The following KMT2A variants were observed in gnomAD, a reference collection of about 807,000 sequenced individuals.
KMT2A encodes histone-lysine N-methyltransferase 2A.
Under a neutral mutation model 345.3 loss-of-function variants are expected in KMT2A, and 16 were observed. That is an observed-to-expected ratio of 0.05 (90% CI 0.03 to 0.07). The LOEUF is 0.07. KMT2A is among the 10% of genes least tolerant of loss of function. The probability of loss-of-function intolerance (pLI) is 1.00; values close to 1 mark genes in which losing one functional copy is unlikely to be tolerated. For synonymous variants in KMT2A, 1,599 were observed against 1,778.6 expected, an observed-to-expected ratio of 0.90 and a Z score of 2.54; for missense variants, 3,272 against 4,841.6, an observed-to-expected ratio of 0.68 and a Z score of 9.62.
At chr11:118,480,355 T>G in intron 6 of KMT2A, 117 bp downstream of exon 6, 1 of 696,980 alleles carries the variant, frequency 1.4e-6, no homozygotes, top group Non-Finnish European at 2.4e-6. Flanking sequence ...TCTCAGGGAG[T>G]AGATTGTTGA....
chr11:118,524,287 GT>G lies in KMT2A; in HGVS notation c.*2116del, dbSNP rs1951033864. 5.4e-6 allele frequency: 1 copy of G among 186,814 alleles called. No individual in the cohort carries two copies. The allele number at this position is 186,814 out of a possible 1,614,324, so 11.6% of individuals were successfully genotyped here. A position where few individuals can be genotyped will look rare whatever the true frequency, so the allele number is the denominator to read the frequency against. On this transcript the variant is annotated 3_prime_UTR_variant, in exon 36 of 36. Coordinates refer to ENST00000534358, the MANE Select transcript of KMT2A (RefSeq NM_001197104.2). The stretch of plus-strand genomic sequence containing the variant: ...CAGAGTAGTGTAGTCCAAGTAGAGG[GT>G]GGGGCACCCTTTTCTCGCCGCAAGA...
chr11:118,474,321 CT>C lies in KMT2A; in HGVS notation c.3156+10del, dbSNP rs2134273903. 6.2e-7 allele frequency: 1 copy of C among 1,610,020 alleles called. No individual in the cohort carries two copies. The highest frequency in any genetic ancestry group is 8.5e-7 in the Non-Finnish European group (1 of 1,178,352). ...CCGACCAGCCCAAAGCACAGGTACT[CT>C]TTTCCACCTTGCCTATTAAAACTAA... On this transcript the variant is annotated splice_region_variant and intron_variant, in intron 3 of 35. Transcript: ENST00000534358.
intron 31 of KMT2A, among the ~76,000 whole-genome samples, chr11:118,514,481 C>A (rs1950763664): frequency 6.6e-6 from 1 of 151,724 alleles, no homozygotes; most frequent in Non-Finnish European, 1.5e-5. Context: ...TACTCTGTCA[C>A]CCAGGCTGGA....
chr11:118,491,367 T>C lies in KMT2A; in HGVS notation c.4819+49T>C. 1 of 1,578,676 alleles carries C rather than the reference T, an allele frequency of 6.3e-7. No homozygotes were observed. Among genetic ancestry groups the C allele is most frequent in the Admixed American group, 1.8e-5 (1 of 55,776 alleles). ...TTCTTCTTTCTAGGTACTACTACAT[T>C]TATTAGCCTCTAGAGCACTTTAAAC... On this transcript the variant is annotated intron_variant, in intron 14 of 35. Coordinates refer to ENST00000534358, the MANE Select transcript of KMT2A (RefSeq NM_001197104.2). This position sits in a 1 kb window ranked among gnomAD's most constrained non-coding sequence, Gnocchi z 4.2.
chr11:118,494,497 G>A lies in KMT2A; in HGVS notation c.5289+99G>A, dbSNP rs9332818. ...TCTCTTCTACTTTTTGCTTTGTGGT[G>A]TGTATAAAACATCTTTGGTTTAATT... is the stretch of plus-strand genomic sequence containing the variant. On this transcript the variant is annotated intron_variant, in intron 17 of 35. Coordinates refer to ENST00000534358, the MANE Select transcript of KMT2A (RefSeq NM_001197104.2). This position sits in a 1 kb window ranked among gnomAD's most constrained non-coding sequence, Gnocchi z 5.8. The A allele has an allele frequency of 5.4e-5, 46 of 856,070 alleles. No individual in the cohort carries two copies. The South Asian group carries it at 6.4e-4, about 12-fold the overall frequency. 53.0% of individuals were successfully genotyped at this position (856,070 alleles called of 1,614,324 possible). A position where few individuals can be genotyped will look rare whatever the true frequency, so the allele number is the denominator to read the frequency against.
At chr11:118,483,770 AT>A (rs1374241035) in intron 8 of KMT2A, among the ~76,000 whole-genome samples, 2 of 151,966 alleles carry the variant, frequency 1.3e-5, no homozygotes, top group African/African-American at 4.8e-5. Flanking sequence ...GGTGGCTCAC[AT>A]CTATAATCCC....
At position 118,521,855 on chromosome 11, in the gene KMT2A, A is replaced by G; in HGVS notation, c.11644-42A>G. 2.5e-6 allele frequency: 4 copies of G among 1,591,484 alleles called. No individual in the cohort carries two copies. The highest frequency in any genetic ancestry group is 1.3e-5 in the African/African-American group (1 of 74,628). On this transcript the variant is annotated intron_variant, in intron 35 of 35. Coordinates refer to ENST00000534358, the MANE Select transcript of KMT2A (RefSeq NM_001197104.2). This position sits in a 1 kb window ranked among gnomAD's most constrained non-coding sequence, Gnocchi z 5.3. ...GGGACATGTTCTTAAAGCTGAGTTTATAAGAAATGACAAGTTCTTCTCCCT... is the reference window on the plus strand; with the variant it reads ...GGGACATGTTCTTAAAGCTGAGTTTGTAAGAAATGACAAGTTCTTCTCCCT...
chr11:118,478,378 C>G (rs191850647), intron 5 of KMT2A, among the ~76,000 whole-genome samples, 177 bp downstream of exon 5: 1 of 152,268 alleles, frequency 6.6e-6, no homozygotes, highest in African/African-American at 2.4e-5. Flanking sequence ...TACTCTGGGG[C>G]CATGCTGTCA....
chr11:118,501,690 G>A lies in KMT2A; in HGVS notation c.6338G>A (p.Ser2113Asn), dbSNP rs1456565798. Residue 2113 changes from serine (S) to asparagine (N), a missense_variant, in exon 26 of 36, where the codon AGT becomes AAT. Transcript: ENST00000534358. Reference protein sequence around the residue: ...TSFTESSSKESQNTAEIISPP... With the variant: ...TSFTESSSKENQNTAEIISPP... The stretch of plus-strand genomic sequence containing the variant: ...GCCACAGAAAGTTCATCAAAAGAGA[G>A]TCAAAACACAGCTGAAATTATAAGT... The A allele has an allele frequency of 1.9e-6, 3 of 1,612,912 alleles. No homozygotes were observed. The highest frequency in any genetic ancestry group is 2.5e-6 in the Non-Finnish European group (3 of 1,179,622).
Position 118,477,498 on chromosome 11 carries a change from C to CTTTTTTTTTTTTTTTTTT in KMT2A, c.3335-459_3335-442dup, listed in dbSNP as rs11430367. Among the ~76,000 whole-genome samples, 50 of 56,944 alleles carry CTTTTTTTTTTTTTTTTTT rather than the reference C, an allele frequency of 8.8e-4. 18 individuals carry two copies. The highest frequency in any genetic ancestry group is 2.3e-3 in the African/African-American group (30 of 12,984). 37.4% of individuals were successfully genotyped at this position (56,944 alleles called of 152,430 possible). A position where few individuals can be genotyped will look rare whatever the true frequency, so the allele number is the denominator to read the frequency against. ...CTTTCATCAAGATGCAAGTTATTGG[C>CTTTTTTTTTTTTTTTTTT]TTTTTTTTTTTTTTTTTTTTTTTTT... On this transcript the variant is annotated intron_variant, in intron 4 of 35. Coordinates refer to ENST00000534358, the MANE Select transcript of KMT2A (RefSeq NM_001197104.2).
intron 1 of KMT2A, among the ~76,000 whole-genome samples, chr11:118,460,529 A>G (rs868995814): frequency 1.3e-5 from 2 of 152,082 alleles, no homozygotes; most frequent in African/African-American, 2.4e-5. Flanking sequence ...AGCTCAAGCA[A>G]TCCACCTGCC....
chr11:118,484,795 A>G lies in KMT2A; in HGVS notation c.4219-67A>G. The stretch of plus-strand genomic sequence containing the variant: ...ATGTCACACTAATTTTATGCTTTTC[A>G]TCCTTATTTTCCATCCAAAGTTGTG... On this transcript the variant is annotated intron_variant, in intron 9 of 35. Transcript: ENST00000534358. The surrounding 1 kb of genome is among the most constrained non-coding windows in gnomAD (Gnocchi z 4.1). 9.7e-7 allele frequency: 1 copy of G among 1,034,326 alleles called. No individual in the cohort carries two copies. The highest frequency in any genetic ancestry group is 2.4e-5 in the East Asian group (1 of 42,260). The allele number at this position is 1,034,326 out of a possible 1,614,324, so 64.1% of individuals were successfully genotyped here.
Position 118,520,161 on chromosome 11 carries a change from T to C in KMT2A, c.11429+97T>C, listed in dbSNP as rs373803711. 9 of 798,910 alleles carry C rather than the reference T, an allele frequency of 1.1e-5. No individual in the cohort carries two copies. Among genetic ancestry groups the C allele is most frequent in the Non-Finnish European group, 1.8e-5 (9 of 491,312 alleles). 49.5% of individuals were successfully genotyped at this position (798,910 alleles called of 1,614,324 possible). A position where few individuals can be genotyped will look rare whatever the true frequency, so the allele number is the denominator to read the frequency against. ...GGAATTTGTTTGCATCAGAATTTCC[T>C]GGATAAGATTTAAAAGGACTGAAAA... is the stretch of plus-strand genomic sequence containing the variant. On this transcript the variant is annotated intron_variant, in intron 33 of 35. Transcript: ENST00000534358. The surrounding 1 kb of genome is among the most constrained non-coding windows in gnomAD (Gnocchi z 4.3).
Position 118,521,412 on chromosome 11 carries a change from A to G in KMT2A, c.11638A>G (p.Ser3880Gly). The G allele has an allele frequency of 6.2e-7, 1 of 1,613,972 alleles. No homozygotes were observed. The highest frequency in any genetic ancestry group is 8.5e-7 in the Non-Finnish European group (1 of 1,179,864). Residue 3880 changes from serine (S) to glycine (G), a missense_variant, in exon 35 of 36, where the codon AGC becomes GGC. Physicochemically the swap from Ser to Gly is moderately conservative, Grantham distance 56. Transcript: ENST00000534358. The surrounding 1 kb of genome is among the most constrained non-coding windows in gnomAD (Gnocchi z 5.3). ...TGACAAGCGGGAAAAGTATTACGAC[A>G]GCAAGGTAAGTCTCCCACTTGCACT... is the stretch of plus-strand genomic sequence containing the variant. ...QTDKREKYYD[S>G]KGIGCYMFRI...
rs1169959770 is a variant in KMT2A, at chr11:118,473,509, G to A, written c.2350G>A (p.Val784Ile). ...SSVSSSLSIS[V>I]SPLATSALNP... ...TGTCTCTTCCTCGTTAAGCATTTCT[G>A]TTAGTCCTCTTGCCACTAGTGCCTT... Residue 784 changes from valine to isoleucine, a missense_variant, in exon 3 of 36, where the codon GTT (valine) becomes ATT (isoleucine). By Grantham distance (29) the Val-to-Ile change is conservative (BLOSUM62 3). Transcript: ENST00000534358. This position sits in a 1 kb window ranked among gnomAD's most constrained non-coding sequence, Gnocchi z 5.2. 1.2e-6 allele frequency: 2 copies of A among 1,614,024 alleles called. No homozygotes were observed. Among genetic ancestry groups the A allele is most frequent in the African/African-American group, 2.7e-5 (2 of 74,918 alleles).
chr11:118,440,838 T>TG (rs1330836927), intron 1 of KMT2A, among the ~76,000 whole-genome samples: 1 of 151,162 alleles, frequency 6.6e-6, no homozygotes, highest in Non-Finnish European at 1.5e-5. Context: ...GAGTGGGAGT[T>TG]GCTCCTTCGT....
rs1950133414 is a variant in KMT2A at position 118,481,606 on chromosome 11, G to A, written c.3635-109G>A. 4.3e-6 allele frequency: 5 copies of A among 1,161,266 alleles called. No homozygotes were observed. In the South Asian group the frequency reaches 6.2e-5, roughly 14 times the overall value. 71.9% of individuals were successfully genotyped at this position (1,161,266 alleles called of 1,614,324 possible). On this transcript the variant is annotated intron_variant, in intron 6 of 35. Transcript: ENST00000534358. ...TGATATACTGATTTCCTTTATTTTG[G>A]TATATACCTAGCTGTGGGATTGCTG...
At position 118,521,829 on chromosome 11, in the gene KMT2A, T is replaced by C; in HGVS notation, c.11644-68T>C. 1 of 1,516,802 alleles carries C rather than the reference T, an allele frequency of 6.6e-7. No homozygotes were observed. The highest frequency in any genetic ancestry group is 2.3e-4 in the Middle Eastern group (1 of 4,402). The allele number at this position is 1,516,802 out of a possible 1,614,324, so 94.0% of individuals were successfully genotyped here. On this transcript the variant is annotated intron_variant, in intron 35 of 35. Transcript: ENST00000534358. The surrounding 1 kb of genome is among the most constrained non-coding windows in gnomAD (Gnocchi z 5.3). ...GCTATAGGTAACATCAAGAGAAGAT[T>C]GGGACATGTTCTTAAAGCTGAGTTT...
In KMT2A at chr11:118,520,273, C is replaced by G. The variant is rs891500811; in HGVS notation, c.11429+209C>G. Reference sequence around the variant, plus strand: ...AGAAATTCAAAGAACTGTAAGATGCCTGTTTTCTTTAATGATAGTATACTC... The same window carrying G: ...AGAAATTCAAAGAACTGTAAGATGCGTGTTTTCTTTAATGATAGTATACTC... On this transcript the variant is annotated intron_variant, in intron 33 of 35. Transcript: ENST00000534358. This position sits in a 1 kb window ranked among gnomAD's most constrained non-coding sequence, Gnocchi z 4.3. 4 of 552,688 alleles carry G rather than the reference C, an allele frequency of 7.2e-6. No individual in the cohort carries two copies. The highest frequency in any genetic ancestry group is 6.7e-5 in the Admixed American group (2 of 29,702). 34.2% of individuals were successfully genotyped at this position (552,688 alleles called of 1,614,324 possible).
Sources: allele counts gnomAD v4.1 joint callset (sites outside exome capture counted in the v4.1 genomes callset), GRCh38; gene constraint gnomAD v4.1.1; non-coding constraint Gnocchi (gnomAD v3.1); transcripts MANE v1.5; gene names NCBI Gene and HGNC (gene_info 2026-07-23, HGNC 2026-07-21).